The following JAK1 variants were observed in gnomAD, a reference collection of about 807,000 sequenced individuals.
JAK1 encodes Janus kinase 1.
A neutral mutation model predicts 136.6 loss-of-function variants in JAK1; 16 were observed. The observed-to-expected ratio is 0.12, with a 90% CI of 0.08 to 0.18. JAK1 has a LOEUF of 0.18. Ranked by LOEUF, JAK1 falls within the 10% of genes least tolerant of loss-of-function variation. The pLI is 1.00. For missense variants in JAK1, 859 were observed against 1,450.1 expected, an observed-to-expected ratio of 0.59 and a Z score of 6.62; for synonymous variants, 492 against 519.5, an observed-to-expected ratio of 0.95 and a Z score of 0.72.
chr1:65,023,850 A>C (rs184170480), intron 2 of JAK1, among the ~76,000 whole-genome samples: 9 of 150,422 alleles, frequency 6.0e-5, no homozygotes, highest in African/African-American at 2.2e-4. Flanking sequence ...ATGTAAATGG[A>C]GTCATACCGT....
intron 2 of JAK1, chr1:64,985,148 A>T: frequency 1.6e-6 from 2 of 1,255,216 alleles, no homozygotes; most frequent in Non-Finnish European, 2.3e-6. Context: ...TAGTGAAGAT[A>T]GTATTAACCA....
chr1:64,860,493 G>A (rs564240110), intron 8 of JAK1, among the ~76,000 whole-genome samples: 11 of 149,998 alleles, frequency 7.3e-5, no homozygotes, highest in South Asian at 6.3e-4. Context: ...TCACTCTGTC[G>A]CCCAGGCTGG....
At chr1:64,964,567 A>C (rs1001144359) in intron 1 of JAK1, among the ~76,000 whole-genome samples, 2 of 152,216 alleles carry the variant, frequency 1.3e-5, no homozygotes, top group Admixed American at 6.5e-5. Context: ...ATCATTTCCC[A>C]ATGGTAGTAA....
intron 3 of JAK1, among the ~76,000 whole-genome samples, chr1:64,882,363 T>C (rs1177362958): frequency 6.6e-6 from 1 of 152,246 alleles, no homozygotes; most frequent in Non-Finnish European, 1.5e-5. Flanking sequence ...GGGATCAGGC[T>C]GTACGGCATC....
At chr1:64,929,101 C>G (rs907686107) in intron 1 of JAK1, among the ~76,000 whole-genome samples, 1 of 152,214 alleles carries the variant, frequency 6.6e-6, no homozygotes, top group Non-Finnish European at 1.5e-5. Context: ...AGCAAGTATA[C>G]TGCTATAGCA....
intron 2 of JAK1, among the ~76,000 whole-genome samples, chr1:65,040,746 A>G (rs1647124239): frequency 1.3e-5 from 2 of 152,148 alleles, no homozygotes; most frequent in African/African-American, 2.4e-5. Flanking sequence ...TTCAACAAAC[A>G]TTTATAGAAC....
chr1:64,842,417 C>T (rs1034667785), intron 17 of JAK1, among the ~76,000 whole-genome samples: 2 of 151,016 alleles, frequency 1.3e-5, no homozygotes, highest in African/African-American at 4.9e-5. Context: ...TAGCTGGACT[C>T]CAAGGGTACT....
intron 1 of JAK1, among the ~76,000 whole-genome samples, chr1:64,888,458 GC>G (rs1644885431): frequency 6.6e-6 from 1 of 152,236 alleles, no homozygotes; most frequent in Non-Finnish European, 1.5e-5. Flanking sequence ...GGGATTACAG[GC>G]GTGAGCCACC....
intron 13 of JAK1, 148 bp from the exon 14 acceptor site, chr1:64,846,884 C>T: frequency 1.6e-6 from 1 of 637,360 alleles, no homozygotes. Flanking sequence ...CTGGCCTTGG[C>T]TGTCCAGAGG....
intron 1 of JAK1, 46 bp downstream of exon 1, chr1:64,966,287 C>G (rs1009776703): frequency 1.3e-5 from 2 of 152,658 alleles, no homozygotes; most frequent in Non-Finnish European, 2.9e-5. Flanking sequence ...CCTCGCCTGC[C>G]GACCGCGGCC....
chr1:65,050,175 G>T (rs1056483577), intron 1 of JAK1, among the ~76,000 whole-genome samples: 3 of 152,264 alleles, frequency 2.0e-5, no homozygotes, highest in Middle Eastern at 3.4e-3. Flanking sequence ...TTTCTACTGT[G>T]AACTCCATGC....
intron 2 of JAK1, among the ~76,000 whole-genome samples, chr1:65,010,376 A>G (rs1569872280): frequency 6.6e-6 from 1 of 152,076 alleles, no homozygotes; most frequent in Admixed American, 6.6e-5. Context: ...TCTGAGGGAA[A>G]CCGGCTGCCA....
Position 64,886,245 on chromosome 1 carries a change from G to A in JAK1, c.6+14C>T, listed in dbSNP as rs1644850867. Reference sequence around the variant, plus strand: ...AGATATTTTCCTTTTTTAAAAATATGCAAATCTACATACCTGCATTTATTC... The same window carrying A: ...AGATATTTTCCTTTTTTAAAAATATACAAATCTACATACCTGCATTTATTC... On this transcript the variant is annotated intron_variant, in intron 2 of 24. Transcript: ENST00000342505. 1 of 1,555,968 alleles carries A rather than the reference G, an allele frequency of 6.4e-7. No homozygotes were observed. The highest frequency in any genetic ancestry group is 2.3e-5 in the East Asian group (1 of 43,706).
At chr1:65,013,452 G>C (rs1002886789) in intron 2 of JAK1, among the ~76,000 whole-genome samples, 1 of 151,730 alleles carries the variant, frequency 6.6e-6, no homozygotes, top group Non-Finnish European at 1.5e-5. Flanking sequence ...TCCATCAATG[G>C]AATTGGAATT....
chr1:64,879,044 G>A lies in JAK1; in HGVS notation c.310C>T (p.Arg104Trp), dbSNP rs752389823. Residue 104 changes from arginine to tryptophan, a missense_variant, in exon 4 of 25, where the codon CGG (arginine) becomes TGG (tryptophan). Coordinates refer to ENST00000342505, the MANE Select transcript of JAK1 (RefSeq NM_002227.4). ...CCATACCTCATCCGGTAGTGGAGCC[G>A]GAGGGACATCTTGTCATCAACGGTG... ...TITVDDKMSL[R>W]LHYRMRFYFT... is the part of the protein sequence containing the mutation. The A allele has an allele frequency of 1.6e-5, 26 of 1,613,836 alleles. No homozygotes were observed. Among genetic ancestry groups the A allele is most frequent in the Admixed American group, 5.0e-5 (3 of 59,994 alleles).
chr1:65,061,210 G>A (rs148577273), intron 1 of JAK1, among the ~76,000 whole-genome samples: 235 of 152,194 alleles, frequency 1.5e-3, no homozygotes, highest in Non-Finnish European at 2.9e-3. Context: ...CTGGAATCCA[G>A]GAGTTCAAGA....
chr1:64,955,435 G>T (rs1646169012), intron 1 of JAK1, among the ~76,000 whole-genome samples: 1 of 152,192 alleles, frequency 6.6e-6, no homozygotes, highest in African/African-American at 2.4e-5. Flanking sequence ...TGAAGCACGG[G>T]AAAAGTGCAT....
chr1:64,872,458 T>C (rs1474011815), intron 5 of JAK1, among the ~76,000 whole-genome samples: 1 of 152,200 alleles, frequency 6.6e-6, no homozygotes, highest in Non-Finnish European at 1.5e-5. Flanking sequence ...CAAACCCCCC[T>C]GTCCATATTC....
chr1:65,013,367 G>A (rs1227945726), intron 2 of JAK1, among the ~76,000 whole-genome samples: 1 of 150,662 alleles, frequency 6.6e-6, no homozygotes, highest in African/African-American at 2.4e-5. Flanking sequence ...CTGCACTCCA[G>A]CCTGGGCAAC....
Sources: gnomAD v4.1 joint callset for allele counts (sites outside exome capture counted in the v4.1 genomes callset) on GRCh38, gnomAD v4.1.1 for gene constraint, MANE v1.5 for transcripts, NCBI Gene and HGNC (gene_info 2026-07-23, HGNC 2026-07-21) for gene names.